The following ZFHX3 variants were observed in gnomAD, a reference collection of about 807,000 sequenced individuals.
ZFHX3 encodes zinc finger homeobox protein 3.
Under a neutral mutation model 279.1 loss-of-function variants are expected in ZFHX3, and 42 were observed. The observed-to-expected ratio is 0.15, with a 90% CI of 0.12 to 0.19. ZFHX3 has a LOEUF of 0.19. Among genes scored for constraint, ZFHX3 ranks in the 10% least tolerant of loss-of-function variants. The pLI is 1.00. For missense variants in ZFHX3, 4,981 were observed against 4,754.0 expected (o/e 1.05, Z -1.40); for synonymous variants, 2,293 against 1,957.8 (o/e 1.17, Z -4.52).
intron 4 of ZFHX3, among the ~76,000 whole-genome samples, chr16:73,262,888 C>T (rs369107232): frequency 1.7e-4 from 26 of 152,202 alleles, no homozygotes; most frequent in East Asian, 3.9e-4. Flanking sequence ...CAAGAATCCC[C>T]GAGGAAGCCC....
chr16:73,607,220 G>T (rs534046825), intron 2 of ZFHX3, among the ~76,000 whole-genome samples: 18 of 152,146 alleles, frequency 1.2e-4, no homozygotes, highest in Non-Finnish European at 2.4e-4. Flanking sequence ...GTAGAGATGG[G>T]GTTTCACCAT....
At chr16:73,436,057 C>T (rs999155101) in intron 3 of ZFHX3, among the ~76,000 whole-genome samples, 9 of 152,312 alleles carry the variant, frequency 5.9e-5, no homozygotes, top group South Asian at 2.1e-4. Context: ...TAGCCCGGCG[C>T]GGTGGCTCAC....
intron 5 of ZFHX3, among the ~76,000 whole-genome samples, chr16:73,234,683 G>A (rs970515719): frequency 6.6e-6 from 1 of 152,184 alleles, no homozygotes; most frequent in Admixed American, 6.5e-5. Flanking sequence ...CGGTGTGTCT[G>A]TGTTAATAAT....
intron 2 of ZFHX3, among the ~76,000 whole-genome samples, chr16:73,599,229 G>T (rs1041721925): frequency 6.6e-6 from 1 of 152,162 alleles, no homozygotes; most frequent in Non-Finnish European, 1.5e-5. Flanking sequence ...CATTAGCCAC[G>T]GGGGTGTCAG....
intron 1 of ZFHX3, among the ~76,000 whole-genome samples, chr16:73,753,113 A>T (rs1203879563): frequency 1.3e-5 from 2 of 152,204 alleles, no homozygotes; most frequent in Non-Finnish European, 2.9e-5. Context: ...GTTCCTAAGC[A>T]CAAGAAGGCT....
At chr16:73,559,149 G>A (rs2020332711) in intron 2 of ZFHX3, among the ~76,000 whole-genome samples, 1 of 151,930 alleles carries the variant, frequency 6.6e-6, no homozygotes, top group Non-Finnish European at 1.5e-5. Context: ...CGGGGCTCAA[G>A]CTATCCTCCC....
rs746484966 is a variant in ZFHX3 at position 73,545,649 on chromosome 16, TA to T, written c.-1546-89392del. On this transcript the variant is annotated intron_variant, in intron 2 of 17. Transcript: ENST00000641206. ...TAGTTTGTGCTCTTCTTCTTGCCTT[TA>T]TCTTTGAAACAGTTTATAACATTCT... is the stretch of plus-strand genomic sequence containing the variant. Among the ~76,000 whole-genome samples the T allele has an allele frequency of 5.9e-5, 9 of 152,190 alleles. No homozygotes were observed. The East Asian group carries it at 7.7e-4, about 13-fold the overall frequency.
At chr16:72,974,282 C>T (rs1031215671) in intron 1 of ZFHX3, among the ~76,000 whole-genome samples, 2 of 152,208 alleles carry the variant, frequency 1.3e-5, no homozygotes, top group African/African-American at 2.4e-5. Flanking sequence ...CACCATTCAA[C>T]GTTGCTGGAC....
intron 3 of ZFHX3, among the ~76,000 whole-genome samples, chr16:73,438,236 A>G (rs574807058): frequency 1.3e-5 from 2 of 152,352 alleles, no homozygotes; most frequent in East Asian, 3.9e-4. Context: ...AAGAAAAAGT[A>G]CAGAATAAGG....
At chr16:73,681,740 A>G (rs547073379) in intron 1 of ZFHX3, among the ~76,000 whole-genome samples, 1 of 152,216 alleles carries the variant, frequency 6.6e-6, no homozygotes, top group Non-Finnish European at 1.5e-5. Context: ...ATTCAAAATT[A>G]TGGTTTTTAC....
chr16:73,163,557 A>G (rs1967290744), intron 5 of ZFHX3, among the ~76,000 whole-genome samples: 1 of 152,214 alleles, frequency 6.6e-6, no homozygotes, highest in Admixed American at 6.5e-5. Flanking sequence ...AAACGAAAAT[A>G]TTTGCTCTCT....
chr16:73,028,758 A>G (rs1021328706), intron 1 of ZFHX3, among the ~76,000 whole-genome samples: 22 of 150,932 alleles, frequency 1.5e-4, no homozygotes, highest in African/African-American at 5.4e-4. Context: ...CGCCCAGAAA[A>G]AGTGAGCAGG....
intron 5 of ZFHX3, among the ~76,000 whole-genome samples, chr16:73,214,055 C>T (rs2012111895): frequency 6.6e-6 from 1 of 152,158 alleles, no homozygotes; most frequent in African/African-American, 2.4e-5. Context: ...ATTTATTTAA[C>T]ATCCAGTAAA....
At chr16:73,590,394 T>C (rs1249187291) in intron 2 of ZFHX3, among the ~76,000 whole-genome samples, 3 of 152,204 alleles carry the variant, frequency 2.0e-5, no homozygotes, top group Non-Finnish European at 1.5e-5. Context: ...GCATGGGACA[T>C]GTTGGAAAAC....
rs143546355 is a variant in ZFHX3 at position 72,855,927 on chromosome 16, C to T, written c.3449-26068G>A. 8.0e-4 allele frequency among the ~76,000 whole-genome samples: 122 copies of T among 152,282 alleles called. 1 individual carries two copies. Among genetic ancestry groups the T allele is most frequent in the African/African-American group, 2.9e-3 (120 of 41,546 alleles). On this transcript the variant is annotated intron_variant, in intron 4 of 9. Transcript: ENST00000268489. ...TTCCCCGTGGTGGGAACTTAAATGT[C>T]GATTTTCTAGTTGAAAACAGTGGAA...
At chr16:73,221,712 C>T (rs1018186706) in intron 5 of ZFHX3, among the ~76,000 whole-genome samples, 1 of 152,026 alleles carries the variant, frequency 6.6e-6, no homozygotes, top group Non-Finnish European at 1.5e-5. Context: ...TGTAGTTTTT[C>T]TCGCCTTCTC....
At chr16:73,755,996 G>A (rs919891791) in intron 1 of ZFHX3, among the ~76,000 whole-genome samples, 4 of 152,184 alleles carry the variant, frequency 2.6e-5, no homozygotes, top group South Asian at 2.1e-4. Context: ...ACTCTCCACC[G>A]CTTAGAGAGG....
In ZFHX3 at chr16:73,878,004, C is replaced by CAT. The variant is rs1004965486; in HGVS notation, c.-1608+13645_-1608+13646dup. Among the ~76,000 whole-genome samples the CAT allele has an allele frequency of 7.7e-4, 117 of 151,818 alleles. 1 individual carries two copies. Among genetic ancestry groups the CAT allele is most frequent in the African/African-American group, 2.6e-3 (109 of 41,440 alleles). On this transcript the variant is annotated intron_variant, in intron 1 of 17. Coordinates refer to the ZFHX3 transcript ENST00000641206. ...CATGAGATTTTTAGAAATATATATA[C>CAT]ATATATATATCTTCTCCATACCATC...
At chr16:73,157,469 A>T (rs1438495190) in intron 5 of ZFHX3, among the ~76,000 whole-genome samples, 2 of 150,526 alleles carry the variant, frequency 1.3e-5, no homozygotes, top group African/African-American at 2.4e-5. Flanking sequence ...GTTTGGTAAA[A>T]AAAAAAAAAA....
Sources: gnomAD v4.1 joint callset for allele counts (sites outside exome capture counted in the v4.1 genomes callset) on GRCh38, gnomAD v4.1.1 for gene constraint, MANE v1.5 for transcripts, NCBI Gene and HGNC (gene_info 2026-07-23, HGNC 2026-07-21) for gene names.